KPNA5: variants seen among roughly 807,000 people sequenced by gnomAD.
KPNA5 encodes karyopherin subunit alpha 5, also known as importin subunit alpha-6.
Under a neutral mutation model 71.3 loss-of-function variants are expected in KPNA5, and 46 were observed. That is an observed-to-expected ratio of 0.65 (90% CI 0.51 to 0.83). KPNA5 has a LOEUF of 0.83. Among genes scored for constraint, KPNA5 ranks in the 40% least tolerant of loss-of-function variants. The pLI, the probability that KPNA5 is intolerant of heterozygous loss-of-function variation, is 0.00. For synonymous variants in KPNA5, 207 were observed against 201.4 expected, an observed-to-expected ratio of 1.03 and a Z score of -0.24; for missense variants, 547 against 628.3, an observed-to-expected ratio of 0.87 and a Z score of 1.38.
Position 116,725,771 on chromosome 6 carries a change from A to C in KPNA5, c.1020A>C (p.Ala340=). The part of the protein sequence containing the change: ...IQTQVILNCS[A]LPCLLHLLSS... The stretch of plus-strand genomic sequence containing the variant: ...TTTAGGTAATTTTGAATTGTTCTGC[A>C]TTACCCTGTCTCTTACATTTATTGA... Residue 340 remains alanine, a synonymous_variant, in exon 11 of 14, where the codon GCA becomes GCC. Coordinates refer to ENST00000368564, the MANE Select transcript of KPNA5 (RefSeq NM_001366306.2). 1 of 1,612,698 alleles carries C rather than the reference A, an allele frequency of 6.2e-7. No individual in the cohort carries two copies. Among genetic ancestry groups the C allele is most frequent in the Non-Finnish European group, 8.5e-7 (1 of 1,179,264 alleles).
intron 13 of KPNA5, 144 bp downstream of exon 13, chr6:116,729,885 C>A: frequency 2.3e-6 from 1 of 441,908 alleles, no homozygotes. Flanking sequence ...TTTTATTACC[C>A]TAACAATTTA....
intron 8 of KPNA5, among the ~76,000 whole-genome samples, chr6:116,720,370 C>T (rs1256873477): frequency 6.6e-6 from 1 of 151,524 alleles, no homozygotes; most frequent in African/African-American, 2.4e-5. Flanking sequence ...TGTCTACTGG[C>T]CTTTTCAAAG....
rs1779608285 is a variant in KPNA5 at position 116,734,700 on chromosome 6, G to A, written c.*2377G>A. 2.1e-5 allele frequency: 3 copies of A among 145,042 alleles called. No individual in the cohort carries two copies. Among genetic ancestry groups the A allele is most frequent in the African/African-American group, 7.7e-5 (3 of 39,146 alleles). 9.0% of individuals were successfully genotyped at this position (145,042 alleles called of 1,614,324 possible). A position where few individuals can be genotyped will look rare whatever the true frequency, so the allele number is the denominator to read the frequency against. ...TATACCATTTAAAATATTTCATCAG[G>A]CAGAGCCCTGACCAGGAAAAAAAAA... On this transcript the variant is annotated 3_prime_UTR_variant, in exon 14 of 14. Coordinates refer to ENST00000368564, the MANE Select transcript of KPNA5 (RefSeq NM_001366306.2).
chr6:116,689,296 G>C, intron 1 of KPNA5, 24 bp from the exon 2 acceptor site: 1 of 1,594,594 alleles, frequency 6.3e-7, no homozygotes, highest in Non-Finnish European at 8.5e-7. Context: ...ATCAGTGTCT[G>C]TTTTCTTTTC....
At chr6:116,685,434 C>T (rs1215063065) in intron 1 of KPNA5, among the ~76,000 whole-genome samples, 1 of 152,160 alleles carries the variant, frequency 6.6e-6, no homozygotes, top group Non-Finnish European at 1.5e-5. Flanking sequence ...TCTCCCTCCT[C>T]CTACCCTCCA....
At position 116,726,597 on chromosome 6, in the gene KPNA5, T is replaced by C; in HGVS notation, c.1228T>C (p.Ser410Pro). Residue 410 changes from serine to proline, a missense_variant, in exon 12 of 14, where the codon TCA (serine) becomes CCA (proline). By Grantham distance (74) the Ser-to-Pro change is moderately conservative. Transcript: ENST00000368564. ...AGCTTGGGCTATAACTAATGCAACATCAGGAGGTACTCCAGAGCAAATAAG... is the reference window on the plus strand; with the variant it reads ...AGCTTGGGCTATAACTAATGCAACACCAGGAGGTACTCCAGAGCAAATAAG... ...EAAWAITNAT[S>P]GGTPEQIRYL... 1 of 1,611,584 alleles carries C rather than the reference T, an allele frequency of 6.2e-7. No homozygotes were observed. The highest frequency in any genetic ancestry group is 8.5e-7 in the Non-Finnish European group (1 of 1,178,952).
chr6:116,692,025 A>C lies in KPNA5; in HGVS notation c.139-30A>C, dbSNP rs776425241. 18 of 1,383,274 alleles carry C rather than the reference A, an allele frequency of 1.3e-5. No individual in the cohort carries two copies. In the South Asian group the frequency reaches 1.6e-4, roughly 13 times the overall value. 85.7% of individuals were successfully genotyped at this position (1,383,274 alleles called of 1,614,324 possible). On this transcript the variant is annotated intron_variant, in intron 2 of 13. Transcript: ENST00000368564. ...CAACTTAATGTTTTATGGAAAGCTC[A>C]ATGTGTAAACTGATTTCTCTTTATT...
intron 1 of KPNA5, among the ~76,000 whole-genome samples, chr6:116,684,236 T>C (rs1405776813): frequency 6.6e-6 from 1 of 152,124 alleles, no homozygotes; most frequent in Non-Finnish European, 1.5e-5. Context: ...TCTAATGATA[T>C]CTATTTGTAG....
chr6:116,720,071 T>C (rs948135005), intron 8 of KPNA5, among the ~76,000 whole-genome samples: 1 of 152,208 alleles, frequency 6.6e-6, no homozygotes, highest in Non-Finnish European at 1.5e-5. Flanking sequence ...TTTGGTAGCA[T>C]TGAGAATGCT....
chr6:116,686,264 A>C (rs971640264), intron 1 of KPNA5, among the ~76,000 whole-genome samples: 8 of 151,948 alleles, frequency 5.3e-5, no homozygotes, highest in Non-Finnish European at 1.0e-4. Context: ...GTGAGATGGT[A>C]TTTTATTCTG....
In KPNA5 at chr6:116,724,334, G is replaced by A. The variant is rs766930886; in HGVS notation, c.958G>A (p.Ala320Thr). The change falls in exon 10 of 14, where the codon GCA becomes ACA. Residue 320 changes from alanine to threonine, a missense_variant. Ala to Thr is a moderately conservative substitution (Grantham distance 58, BLOSUM62 0). Coordinates refer to ENST00000368564, the MANE Select transcript of KPNA5 (RefSeq NM_001366306.2). ...DYKVVSPALR[A>T]VGNIVTGDDI... The stretch of plus-strand genomic sequence containing the variant: ...TAAAGTTGTATCACCTGCATTAAGG[G>A]CAGTTGGTAATATTGTGACTGGTGA... The A allele has an allele frequency of 1.9e-6, 3 of 1,610,908 alleles. No homozygotes were observed. In the Admixed American group the frequency reaches 5.0e-5, roughly 27 times the overall value.
chr6:116,737,804 GC>G lies in KPNA5; in HGVS notation c.*5483del, dbSNP rs1445315428. Reference sequence around the variant, plus strand: ...TCATTTTTCATATTGTTTTCTTGGTGCCTTTTTGTCTCAATCACTTTCGCTG... The same window carrying G: ...TCATTTTTCATATTGTTTTCTTGGTGCTTTTTGTCTCAATCACTTTCGCTG... On this transcript the variant is annotated 3_prime_UTR_variant, in exon 14 of 14. Transcript: ENST00000368564. The G allele has an allele frequency of 2.0e-5, 3 of 151,882 alleles. No individual in the cohort carries two copies. The highest frequency in any genetic ancestry group is 2.1e-4 in the South Asian group (1 of 4,808). 9.4% of individuals were successfully genotyped at this position (151,882 alleles called of 1,614,324 possible). A position where few individuals can be genotyped will look rare whatever the true frequency, so the allele number is the denominator to read the frequency against.
chr6:116,736,276 A>G lies in KPNA5; in HGVS notation c.*3953A>G, dbSNP rs1189457908. 2 of 152,030 alleles carry G rather than the reference A, an allele frequency of 1.3e-5. No homozygotes were observed. Among genetic ancestry groups the G allele is most frequent in the African/African-American group, 4.8e-5 (2 of 41,452 alleles). The allele number at this position is 152,030 out of a possible 1,614,324, so 9.4% of individuals were successfully genotyped here. ...CATTGAAAACATTAGGCTAAGTGAA[A>G]GAAACCAGATTCCATTTATATGAAG... On this transcript the variant is annotated 3_prime_UTR_variant, in exon 14 of 14. Transcript: ENST00000368564.
chr6:116,699,305 C>T (rs1456762840), intron 5 of KPNA5, among the ~76,000 whole-genome samples: 5 of 151,900 alleles, frequency 3.3e-5, no homozygotes, highest in Admixed American at 6.6e-5. Context: ...AGATGTCTTC[C>T]AAATAATTTG....
At chr6:116,700,307 C>CA (rs11447065) in intron 5 of KPNA5, among the ~76,000 whole-genome samples, 42,280 of 151,480 alleles carry the variant, frequency 0.28, 6,658 homozygotes, top group African/African-American at 0.43. Context: ...CTCATCTCTA[C>CA]AAAAAAATAA....
At chr6:116,730,637 T>A (rs932656572) in intron 13 of KPNA5, among the ~76,000 whole-genome samples, 5 of 152,212 alleles carry the variant, frequency 3.3e-5, no homozygotes, top group Non-Finnish European at 7.3e-5. Context: ...TCCAAAGGCC[T>A]GTTGCTGACA....
intron 7 of KPNA5, among the ~76,000 whole-genome samples, chr6:116,713,090 A>G (rs770938260): frequency 1.3e-5 from 2 of 152,178 alleles, no homozygotes; most frequent in Non-Finnish European, 2.9e-5. Context: ...CATGTAGGGA[A>G]AAAAAGAGGA....
At chr6:116,732,104 AT>A (rs1779515429) in intron 13 of KPNA5, 31 bp from the exon 14 acceptor site, 3 of 163,216 alleles carry the variant, frequency 1.8e-5, no homozygotes, top group Non-Finnish European at 2.2e-5. Context: ...ATATATATAT[AT>A]ATATATATAT....
At chr6:116,682,112 AAAAATACAAAAT>A (rs762357269) in intron 1 of KPNA5, among the ~76,000 whole-genome samples, 110 of 152,118 alleles carry the variant, frequency 7.2e-4, no homozygotes, top group Non-Finnish European at 1.3e-3. Context: ...CAAAAATACA[AAAAATACAAAAT>A]AAAATACAAA....
Sources: gnomAD v4.1 joint callset for allele counts (sites outside exome capture counted in the v4.1 genomes callset) on GRCh38, gnomAD v4.1.1 for gene constraint, MANE v1.5 for transcripts, NCBI Gene and HGNC (gene_info 2026-07-23, HGNC 2026-07-21) for gene names.